Variants in KLHL13 observed in about 807,000 individuals in gnomAD.
KLHL13 encodes kelch-like protein 13.
In KLHL13, 10 loss-of-function variants were observed where a neutral mutation model predicts 37.1. The ratio of observed to expected loss-of-function variants is 0.27; its 90% CI spans 0.17 to 0.46. The LOEUF is 0.46. Among genes scored for constraint, KLHL13 ranks in the 20% least tolerant of loss-of-function variants. The pLI, the probability that KLHL13 is intolerant of heterozygous loss-of-function variation, is 1.00. For missense variants in KLHL13, 360 were observed against 509.3 expected (o/e 0.71, Z 2.82); for synonymous variants, 163 against 181.2 (o/e 0.90, Z 0.81).
At chrX:118,003,203 T>C (rs2053945040) in intron 1 of KLHL13, among the ~76,000 whole-genome samples, 1 of 112,183 alleles carries the variant, frequency 8.9e-6, no homozygotes, top group Non-Finnish European at 1.9e-5. Flanking sequence ...GTTTTTAAAA[T>C]ACCTCTATTC....
intron 4 of KLHL13, among the ~76,000 whole-genome samples, chrX:117,913,853 A>G (rs1931158293): frequency 9.1e-6 from 1 of 110,460 alleles, no homozygotes; most frequent in Non-Finnish European, 1.9e-5. Flanking sequence ...AAAAAGAAAA[A>G]AAAAAAAAAG....
chrX:118,074,431 G>A (rs866662693), intron 1 of KLHL13, among the ~76,000 whole-genome samples: 4 of 111,534 alleles, frequency 3.6e-5, no homozygotes, highest in Non-Finnish European at 7.5e-5. Flanking sequence ...TTAGTAAATC[G>A]TGTTTTCTTC....
intron 2 of KLHL13, among the ~76,000 whole-genome samples, chrX:117,933,706 T>C (rs775505314): frequency 9.0e-6 from 1 of 111,219 alleles, no homozygotes; most frequent in East Asian, 2.8e-4. Context: ...TCTCTTTTAA[T>C]GATAACTAGT....
At chrX:117,919,743 A>C (rs1280898548) in intron 3 of KLHL13, 26 bp from the exon 5 acceptor site, 3 of 1,072,996 alleles carry the variant, frequency 2.8e-6, no homozygotes, top group Non-Finnish European at 3.8e-6. Flanking sequence ...ATTCAATTAA[A>C]TGAAGGTGGA....
chrX:117,968,163 AT>A (rs58913859), intron 1 of KLHL13, among the ~76,000 whole-genome samples: 20,266 of 107,881 alleles, frequency 0.19, 1,511 homozygotes, highest in East Asian at 0.31. Flanking sequence ...ATGTAATAGA[AT>A]TTTTTTTTTT....
intron 1 of KLHL13, among the ~76,000 whole-genome samples, chrX:118,012,219 G>A (rs930252294): frequency 8.9e-6 from 1 of 111,862 alleles, no homozygotes; most frequent in Non-Finnish European, 1.9e-5. Flanking sequence ...AAGCCTTTGT[G>A]CCAGACTCTG....
At chrX:118,053,848 A>AGG (rs766665236) in intron 1 of KLHL13, among the ~76,000 whole-genome samples, 4 of 28,831 alleles carry the variant, frequency 1.4e-4, no homozygotes, top group East Asian at 1.1e-3. Context: ...AGAGAGAGAG[A>AGG]GGAGAGAGAG....
At chrX:118,016,235 A>G (rs2054127589) in intron 1 of KLHL13, among the ~76,000 whole-genome samples, 1 of 111,893 alleles carries the variant, frequency 8.9e-6, no homozygotes, top group Non-Finnish European at 1.9e-5. Context: ...TAAAGGCTAA[A>G]TATTTTTAAA....
intron 4 of KLHL13, among the ~76,000 whole-genome samples, chrX:117,915,599 G>A (rs1047453612): frequency 8.9e-6 from 1 of 111,964 alleles, no homozygotes; most frequent in African/African-American, 3.2e-5. Flanking sequence ...TCATTCTCTT[G>A]TTAAAAAATG....
At chrX:117,933,955 T>TA (rs1028919331) in intron 2 of KLHL13, among the ~76,000 whole-genome samples, 7 of 110,811 alleles carry the variant, frequency 6.3e-5, no homozygotes, top group Admixed American at 1.9e-4. Context: ...TATACAGCCA[T>TA]AAAAAACAAT....
intron 1 of KLHL13, among the ~76,000 whole-genome samples, chrX:118,040,509 TAGAG>T (rs776413638): frequency 6.3e-5 from 7 of 110,532 alleles, no homozygotes; most frequent in East Asian, 2.8e-4. Context: ...TATTTGAAAA[TAGAG>T]AGACAAAAGA....
chrX:117,990,345 A>C (rs892814657), intron 1 of KLHL13, among the ~76,000 whole-genome samples: 5 of 111,245 alleles, frequency 4.5e-5, no homozygotes, highest in African/African-American at 1.6e-4. Context: ...CTTAACTACC[A>C]TAAGGAAGGG....
At chrX:117,993,613 G>A (rs895661585) in intron 1 of KLHL13, among the ~76,000 whole-genome samples, 1 of 111,317 alleles carries the variant, frequency 9.0e-6, no homozygotes, top group African/African-American at 3.3e-5. Context: ...CCTCTACTAT[G>A]CTACCTTTAA....
rs1430636795 is a variant in KLHL13 at position 117,919,392 on chromosome X, C to T, written c.570+129G>A. 7 of 540,703 alleles carry T rather than the reference C, an allele frequency of 1.3e-5. No individual in the cohort carries two copies. In the African/African-American group the frequency reaches 1.7e-4, roughly 13 times the overall value. 44.6% of individuals were successfully genotyped at this position (540,703 alleles called of 1,213,427 possible). A position where few individuals can be genotyped will look rare whatever the true frequency, so the allele number is the denominator to read the frequency against. On this transcript the variant is annotated intron_variant, in intron 4 of 6. Coordinates refer to ENST00000262820, the Ensembl canonical transcript of KLHL13. ...ACCTGTTTCAATCTCACCTTGCTTA[C>T]AGACCACATACAACAAGACACATCT...
chrX:117,959,228 TC>T (rs1441017639), intron 1 of KLHL13, among the ~76,000 whole-genome samples: 1 of 112,250 alleles, frequency 8.9e-6, no homozygotes, highest in African/African-American at 3.2e-5. Context: ...TGTGAATCAT[TC>T]AGAAATGACT....
At chrX:118,047,229 A>G (rs1158975564) in intron 1 of KLHL13, among the ~76,000 whole-genome samples, 1 of 111,853 alleles carries the variant, frequency 8.9e-6, no homozygotes, top group Non-Finnish European at 1.9e-5. Context: ...AACAAAATGA[A>G]GCTGAAAGAG....
At chrX:118,109,263 T>C (rs552542574) in intron 1 of KLHL13, among the ~76,000 whole-genome samples, 1 of 112,214 alleles carries the variant, frequency 8.9e-6, no homozygotes, top group South Asian at 3.7e-4. Flanking sequence ...ACATGTACCC[T>C]TGAAATTGCG....
intron 1 of KLHL13, among the ~76,000 whole-genome samples, chrX:117,991,721 T>C (rs889954047): frequency 3.0e-4 from 33 of 111,198 alleles, no homozygotes; most frequent in Non-Finnish European, 2.1e-4. Flanking sequence ...TTGCAGCCTA[T>C]AGTAAACCTG....
chrX:118,030,170 A>G (rs996375318), intron 1 of KLHL13, among the ~76,000 whole-genome samples: 1 of 111,408 alleles, frequency 9.0e-6, no homozygotes, highest in Admixed American at 9.6e-5. Context: ...ATCAAATGAC[A>G]TCATTTATGT....
Sources: allele counts gnomAD v4.1 joint callset (sites outside exome capture counted in the v4.1 genomes callset), GRCh38; gene constraint gnomAD v4.1.1; transcripts MANE v1.5; gene names NCBI Gene and HGNC (gene_info 2026-07-23, HGNC 2026-07-21).